Variants in PLPPR1 observed in about 807,000 individuals in gnomAD.
The protein encoded by PLPPR1 is phospholipid phosphatase-related protein type 1.
Under a neutral mutation model 33.1 loss-of-function variants are expected in PLPPR1, and 10 were observed. The ratio of observed to expected loss-of-function variants is 0.30; its 90% CI spans 0.19 to 0.51. The LOEUF is 0.51. Among genes scored for constraint, PLPPR1 ranks in the 20% least tolerant of loss-of-function variants. The pLI is 0.97. For missense variants in PLPPR1, 304 were observed against 408.1 expected (o/e 0.74, Z 2.20); for synonymous variants, 151 against 151.0 (o/e 1.00, Z 0.00).
intron 2 of PLPPR1, among the ~76,000 whole-genome samples, chr9:101,216,745 T>A (rs1826803774): frequency 6.6e-6 from 1 of 152,178 alleles, no homozygotes; most frequent in Non-Finnish European, 1.5e-5. Context: ...AATTTTTTAT[T>A]GTGGATGCTG....
At chr9:101,073,830 G>C (rs1019922258) in intron 1 of PLPPR1, among the ~76,000 whole-genome samples, 11 of 152,126 alleles carry the variant, frequency 7.2e-5, no homozygotes, top group African/African-American at 2.7e-4. Flanking sequence ...GCTCATGTTT[G>C]CGTATCTGCA....
intron 6 of PLPPR1, 44 bp from the exon 7 acceptor site, chr9:101,317,321 T>C: frequency 6.3e-7 from 1 of 1,588,372 alleles, no homozygotes; most frequent in Non-Finnish European, 8.6e-7. Flanking sequence ...CAGGCATTGA[T>C]GGCTGCAGTC....
intron 2 of PLPPR1, among the ~76,000 whole-genome samples, chr9:101,241,828 A>G (rs1037592382): frequency 1.3e-5 from 2 of 152,084 alleles, no homozygotes; most frequent in Non-Finnish European, 2.9e-5. Flanking sequence ...ATCGTTACCA[A>G]ATCAATCAAT....
chr9:101,320,756 C>T (rs903525944), intron 7 of PLPPR1, among the ~76,000 whole-genome samples: 1 of 152,140 alleles, frequency 6.6e-6, no homozygotes, highest in African/African-American at 2.4e-5. Context: ...TGAGAGTCAC[C>T]TCATTTAATA....
At chr9:101,044,387 A>G (rs1372181444) in intron 1 of PLPPR1, among the ~76,000 whole-genome samples, 4 of 152,148 alleles carry the variant, frequency 2.6e-5, no homozygotes, top group Non-Finnish European at 4.4e-5. Context: ...GAAGTGGTGG[A>G]GTGTGCTGTA....
At chr9:101,124,791 A>G (rs1209806626) in intron 1 of PLPPR1, among the ~76,000 whole-genome samples, 1 of 152,140 alleles carries the variant, frequency 6.6e-6, no homozygotes, top group Non-Finnish European at 1.5e-5. Flanking sequence ...CCTCTTCCCC[A>G]TATAGTTATC....
chr9:101,230,571 G>A (rs547088105), intron 2 of PLPPR1, among the ~76,000 whole-genome samples: 1 of 152,194 alleles, frequency 6.6e-6, no homozygotes, highest in East Asian at 1.9e-4. Context: ...AAAGGACTGT[G>A]GTTTTCTAGC....
chr9:101,215,561 G>A (rs1017082722), intron 2 of PLPPR1, among the ~76,000 whole-genome samples: 8 of 152,106 alleles, frequency 5.3e-5, no homozygotes. Flanking sequence ...GAGCCACCGC[G>A]CCCAGCTGGC....
intron 2 of PLPPR1, among the ~76,000 whole-genome samples, chr9:101,189,324 G>A (rs148369173): frequency 7.9e-5 from 12 of 152,196 alleles, no homozygotes; most frequent in African/African-American, 2.2e-4. Flanking sequence ...AGGAATGTCC[G>A]GTTTGATAAG....
chr9:101,114,476 A>C (rs1480037901), intron 1 of PLPPR1, among the ~76,000 whole-genome samples: 2 of 152,208 alleles, frequency 1.3e-5, no homozygotes, highest in African/African-American at 4.8e-5. Context: ...TGAGATCTTT[A>C]GATAAGGAAT....
chr9:101,297,810 T>C (rs2118936115), intron 4 of PLPPR1, among the ~76,000 whole-genome samples: 1 of 152,340 alleles, frequency 6.6e-6, no homozygotes, highest in African/African-American at 2.4e-5. Flanking sequence ...TCTTTTACTT[T>C]ATACCATTTC....
chr9:101,125,109 A>C (rs1485454688), intron 1 of PLPPR1, among the ~76,000 whole-genome samples: 1 of 150,588 alleles, frequency 6.6e-6, no homozygotes, highest in African/African-American at 2.4e-5. Context: ...CTACTTTTGT[A>C]CCTCTTTAGG....
chr9:101,091,827 A>C (rs1187729650), intron 1 of PLPPR1, among the ~76,000 whole-genome samples: 2 of 152,124 alleles, frequency 1.3e-5, no homozygotes, highest in Admixed American at 6.5e-5. Context: ...CAACCATTCC[A>C]GTTTCCTTTT....
rs189072851 is a variant in PLPPR1, at chr9:101,169,830, C to T, written c.-45-15620C>T. Among the ~76,000 whole-genome samples the T allele has an allele frequency of 2.6e-5, 4 of 151,880 alleles. No homozygotes were observed. In the East Asian group the frequency reaches 7.7e-4, roughly 29 times the overall value. On this transcript the variant is annotated intron_variant, in intron 1 of 7. Transcript: ENST00000374874. ...ATATTTGAAAATGTGTTCTGGTTTA[C>T]ATTTTTATGTCTAGGACTTCCAAAT...
chr9:101,036,728 G>A (rs10989359), intron 1 of PLPPR1, among the ~76,000 whole-genome samples: 2,238 of 148,732 alleles, frequency 0.015, 43 homozygotes, highest in East Asian at 0.076. Context: ...AAAAGAAGAG[G>A]AAGAAGAAGA....
At chr9:101,173,924 C>A (rs1213749988) in intron 1 of PLPPR1, among the ~76,000 whole-genome samples, 1 of 152,072 alleles carries the variant, frequency 6.6e-6, no homozygotes, top group Non-Finnish European at 1.5e-5. Flanking sequence ...ATCTTGCCTG[C>A]AAGATCAACA....
chr9:101,295,505 GC>G (rs1479239576), intron 4 of PLPPR1, among the ~76,000 whole-genome samples: 1 of 152,066 alleles, frequency 6.6e-6, no homozygotes, highest in South Asian at 2.1e-4. Context: ...TCAATCCTAA[GC>G]CAAAAGAACA....
At chr9:101,040,633 T>C (rs1830066198) in intron 1 of PLPPR1, among the ~76,000 whole-genome samples, 1 of 152,224 alleles carries the variant, frequency 6.6e-6, no homozygotes, top group Non-Finnish European at 1.5e-5. Flanking sequence ...CCACCACATC[T>C]GCTCAAGTGT....
intron 1 of PLPPR1, among the ~76,000 whole-genome samples, chr9:101,041,518 A>G (rs956570659): frequency 6.6e-6 from 1 of 152,160 alleles, no homozygotes; most frequent in South Asian, 2.1e-4. Flanking sequence ...ACAAATTTCT[A>G]TGGGAAATCT....
Sources: allele counts gnomAD v4.1 joint callset (sites outside exome capture counted in the v4.1 genomes callset), GRCh38; gene constraint gnomAD v4.1.1; transcripts MANE v1.5; gene names NCBI Gene and HGNC (gene_info 2026-07-23, HGNC 2026-07-21).